The following SERPINA6 variants were observed in gnomAD, a reference collection of about 807,000 sequenced individuals.
SERPINA6 encodes corticosteroid-binding globulin.
Under a neutral mutation model 26.4 loss-of-function variants are expected in SERPINA6, and 19 were observed. The ratio of observed to expected loss-of-function variants is 0.72; its 90% CI spans 0.50 to 1.06. SERPINA6 has a LOEUF of 1.06. Ranked by LOEUF, SERPINA6 falls within the 50% of genes least tolerant of loss-of-function variation. The pLI is 0.00. For missense variants in SERPINA6, 473 were observed against 504.0 expected (o/e 0.94, Z 0.59); for synonymous variants, 196 against 199.4 (o/e 0.98, Z 0.14).
chr14:94,309,501 C>T (rs1037347278), intron 3 of SERPINA6, among the ~76,000 whole-genome samples: 3 of 152,198 alleles, frequency 2.0e-5, no homozygotes, highest in African/African-American at 7.2e-5. Context: ...GGAAAGGGAA[C>T]CTCACTCTGT....
Position 94,309,807 on chromosome 14 carries a change from C to T in SERPINA6, c.813G>A (p.Gly271=), listed in dbSNP as rs1012571474. ...GTGCAGCGATGACTGTGTTCATCTT[C>T]CCCTTGTCCGGAAGGATGAAGAAGA... ...GTVFFILPDK[G]KMNTVIAALS... is the part of the protein sequence containing the mutation. The change falls in exon 3 of 5, where the codon GGG becomes GGA. Residue 271 remains glycine (G), a synonymous_variant. Coordinates refer to ENST00000341584, the MANE Select transcript of SERPINA6 (RefSeq NM_001756.4). The T allele has an allele frequency of 6.2e-7, 1 of 1,614,056 alleles. No individual in the cohort carries two copies. Among genetic ancestry groups the T allele is most frequent in the African/African-American group, 1.3e-5 (1 of 74,918 alleles).
At chr14:94,309,348 C>G (rs1435279067) in intron 3 of SERPINA6, among the ~76,000 whole-genome samples, 1 of 152,142 alleles carries the variant, frequency 6.6e-6, no homozygotes, top group Non-Finnish European at 1.5e-5. Context: ...TCTATGGGGT[C>G]TTCCAAGAAT....
In SERPINA6 at chr14:94,306,143, G is replaced by A. The variant is rs748213038; in HGVS notation, c.960C>T (p.Gly320=). ...CCTGGTTGGTGAACAAGTCTGCAAT[G>A]CCCATTTCCTCCAGCACATCTCCGA... ...YDLGDVLEEM[G]IADLFTNQAN... The change falls in exon 4 of 5, where the codon GGC becomes GGT. Residue 320 remains glycine (G), a synonymous_variant. Transcript: ENST00000341584. 1.2e-6 allele frequency: 2 copies of A among 1,614,038 alleles called. No homozygotes were observed. The highest frequency in any genetic ancestry group is 1.7e-6 in the Non-Finnish European group (2 of 1,180,012).
chr14:94,310,505 A>C (rs542760794), intron 2 of SERPINA6, among the ~76,000 whole-genome samples: 1 of 152,178 alleles, frequency 6.6e-6, no homozygotes, highest in African/African-American at 2.4e-5. Context: ...ATGAAGAGTC[A>C]GGGTGAGAAG....
intron 4 of SERPINA6, 26 bp from the exon 5 acceptor site, chr14:94,304,629 T>A (rs773250128): frequency 8.2e-6 from 13 of 1,594,448 alleles, no homozygotes; most frequent in Non-Finnish European, 1.1e-5. Context: ...TGAAGATGGG[T>A]AGTGAGACCT....
In SERPINA6 at chr14:94,304,471, C is replaced by G. The variant is rs28929488; in HGVS notation, c.1165G>C (p.Asp389His). The G allele has an allele frequency of 6.2e-7, 1 of 1,614,010 alleles. No individual in the cohort carries two copies. Among genetic ancestry groups the G allele is most frequent in the Non-Finnish European group, 8.5e-7 (1 of 1,180,002 alleles). ...AAAAGGCTGCTCCAGGTGAAGTGGT[C>G]GAAGATCATGATGATGAAGGGCTGG... ...FNQPFIIMIF[D>H]HFTWSSLFLA... The change falls in exon 5 of 5, where the codon GAC becomes CAC. Residue 389 changes from aspartate to histidine, a missense_variant. Transcript: ENST00000341584.
intron 1 of SERPINA6, among the ~76,000 whole-genome samples, chr14:94,319,292 A>AT (rs76983957): frequency 6.6e-6 from 1 of 151,978 alleles, no homozygotes; most frequent in Non-Finnish European, 1.5e-5. Flanking sequence ...CTTTAAAAAA[A>AT]TTTTTTTTTT....
chr14:94,304,442 C>T lies in SERPINA6; in HGVS notation c.1194G>A (p.Leu398=), dbSNP rs9115. The change falls in exon 5 of 5, where the codon CTG becomes CTA. Residue 398 remains leucine, a synonymous_variant. Coordinates refer to ENST00000341584, the MANE Select transcript of SERPINA6 (RefSeq NM_001756.4). ...FDHFTWSSLF[L]ARVMNPV ...CTTACACTGGGTTCATAACCCTCGC[C>T]AGGAAAAGGCTGCTCCAGGTGAAGT... The T allele has an allele frequency of 6.2e-7, 1 of 1,614,104 alleles. No homozygotes were observed. Among genetic ancestry groups the T allele is most frequent in the Non-Finnish European group, 8.5e-7 (1 of 1,180,024 alleles).
At chr14:94,317,164 T>C (rs1739340453) in intron 1 of SERPINA6, among the ~76,000 whole-genome samples, 1 of 152,186 alleles carries the variant, frequency 6.6e-6, no homozygotes, top group African/African-American at 2.4e-5. Context: ...AGCCTACTAA[T>C]AGGATTATAT....
chr14:94,318,245 A>G (rs1895637923), intron 1 of SERPINA6, among the ~76,000 whole-genome samples: 1 of 152,216 alleles, frequency 6.6e-6, no homozygotes, highest in Non-Finnish European at 1.5e-5. Context: ...TGATAATACT[A>G]TCCAATGCAG....
At chr14:94,307,412 G>A (rs1455504603) in intron 3 of SERPINA6, among the ~76,000 whole-genome samples, 5 of 152,220 alleles carry the variant, frequency 3.3e-5, no homozygotes, top group Non-Finnish European at 7.3e-5. Flanking sequence ...CTGCTGCGTT[G>A]TTGACAGCTC....
chr14:94,322,146 G>T (rs536636746), intron 1 of SERPINA6, among the ~76,000 whole-genome samples: 1 of 152,154 alleles, frequency 6.6e-6, no homozygotes, highest in East Asian at 1.9e-4. Context: ...GTCTGACATC[G>T]GAGCTTGTGC....
At chr14:94,309,624 TG>T in intron 3 of SERPINA6, 111 bp downstream of exon 3, 2 of 1,291,724 alleles carry the variant, frequency 1.5e-6, no homozygotes, top group Non-Finnish European at 2.2e-6. Flanking sequence ...AACTGAGCCC[TG>T]GAGGGTGAGT....
intron 4 of SERPINA6, 152 bp from the exon 5 acceptor site, chr14:94,304,755 C>T (rs561288677): frequency 2.0e-5 from 14 of 683,060 alleles, no homozygotes. Flanking sequence ...AAGTGGCAGC[C>T]CCAGGATTAC....
chr14:94,322,093 G>A (rs188945479), intron 1 of SERPINA6, among the ~76,000 whole-genome samples: 2 of 152,342 alleles, frequency 1.3e-5, no homozygotes, highest in Admixed American at 6.5e-5. Flanking sequence ...GAGATCCAGG[G>A]AGACAGAGTA....
intron 2 of SERPINA6, 63 bp from the exon 3 acceptor site, chr14:94,310,069 C>A: frequency 6.5e-7 from 1 of 1,537,914 alleles, no homozygotes; most frequent in Non-Finnish European, 8.9e-7. Flanking sequence ...GGTGATCTCA[C>A]GGGCCTACTA....
At chr14:94,312,979 A>C (rs1281704910) in intron 2 of SERPINA6, among the ~76,000 whole-genome samples, 2 of 152,204 alleles carry the variant, frequency 1.3e-5, no homozygotes, top group Non-Finnish European at 2.9e-5. Flanking sequence ...ATTCCTTTGA[A>C]TATGATTGCT....
intron 2 of SERPINA6, among the ~76,000 whole-genome samples, chr14:94,311,667 C>A (rs896903903): frequency 3.3e-5 from 5 of 152,022 alleles, no homozygotes; most frequent in Non-Finnish European, 5.9e-5. Context: ...GTGCTGGGTG[C>A]GGTGGCTCAC....
At chr14:94,306,250 T>A in intron 3 of SERPINA6, 32 bp from the exon 4 acceptor site, 2 of 1,613,548 alleles carry the variant, frequency 1.2e-6, no homozygotes, top group Non-Finnish European at 1.7e-6. Context: ...AGTTAGACAT[T>A]CCAGGGCTGG....
Sources: allele counts gnomAD v4.1 joint callset (sites outside exome capture counted in the v4.1 genomes callset), GRCh38; gene constraint gnomAD v4.1.1; transcripts MANE v1.5; gene names NCBI Gene and HGNC (gene_info 2026-07-23, HGNC 2026-07-21).